Variants in SETD2 observed in about 807,000 individuals in gnomAD.
SETD2 encodes the protein histone-lysine N-methyltransferase SETD2.
Under a neutral mutation model 242.1 loss-of-function variants are expected in SETD2, and 31 were observed. That is an observed-to-expected ratio of 0.13 (90% CI 0.10 to 0.17). The LOEUF is 0.17. Among genes scored for constraint, SETD2 ranks in the 10% least tolerant of loss-of-function variants. SETD2 has a pLI of 1.00. For synonymous variants in SETD2, 1,006 were observed against 1,066.5 expected (o/e 0.94, Z 1.11); for missense variants, 2,481 against 3,046.3 (o/e 0.81, Z 4.37).
At chr3:47,147,526 C>G (rs1481523391) in intron 1 of SETD2, among the ~76,000 whole-genome samples, 1 of 151,492 alleles carries the variant, frequency 6.6e-6, no homozygotes, top group African/African-American at 2.4e-5. Flanking sequence ...TTTCACCAGG[C>G]TGGTCTGGAA....
At position 47,083,834 on chromosome 3, in the gene SETD2, A is replaced by G. The variant is rs1267301409; in HGVS notation, c.5946T>C (p.Asp1982=). ...CCACATCAGACACACCCTCCTCTTC[A>G]TCTTGGGATGGTGTTTCTTCATTAA... The part of the protein sequence containing the change: ...EPINEETPSQ[D]EEEGVSDVES... Residue 1982 remains aspartate, a synonymous_variant, in exon 12 of 21, where the codon GAT becomes GAC. Coordinates refer to ENST00000409792, the MANE Select transcript of SETD2 (RefSeq NM_014159.7). The G allele has an allele frequency of 1.2e-6, 2 of 1,613,834 alleles. No individual in the cohort carries two copies. Among genetic ancestry groups the G allele is most frequent in the Non-Finnish European group, 1.7e-6 (2 of 1,179,922 alleles).
chr3:47,095,657 G>C (rs1478983691), intron 9 of SETD2, among the ~76,000 whole-genome samples: 1 of 151,648 alleles, frequency 6.6e-6, no homozygotes, highest in African/African-American at 2.4e-5. Context: ...ATGTGCAAAA[G>C]AGACATGTGC....
intron 4 of SETD2, 71 bp from the exon 5 acceptor site, chr3:47,114,075 T>C (rs1575798591): frequency 6.7e-7 from 1 of 1,491,310 alleles, no homozygotes; most frequent in East Asian, 2.3e-5. Context: ...TGAAAAAATG[T>C]GTTAGTATAA....
chr3:47,153,145 C>A (rs1575851542), intron 1 of SETD2, among the ~76,000 whole-genome samples: 1 of 143,812 alleles, frequency 7.0e-6, no homozygotes, highest in Middle Eastern at 3.8e-3. Flanking sequence ...TGAGGTGAGA[C>A]CCAGTGAAGT....
rs758026999 is a variant in SETD2, at chr3:47,067,089, T to C, written c.6090A>G (p.Gln2030=). 12 of 1,612,022 alleles carry C rather than the reference T, an allele frequency of 7.4e-6. No homozygotes were observed. Among genetic ancestry groups the C allele is most frequent in the Non-Finnish European group, 9.3e-6 (11 of 1,178,394 alleles). ...ACCTACTTGTGTTTTCCTTTTCAGT[T>C]TGACTTTTCTTTGGAATTCGATATA... is the stretch of plus-strand genomic sequence containing the variant. The part of the protein sequence containing the change: ...KEVYRIPKKS[Q]TEKENTTTER... Residue 2030 remains glutamine, a synonymous_variant, in exon 13 of 21, where the codon CAA becomes CAG. Transcript: ENST00000409792.
At position 47,122,356 on chromosome 3, in the gene SETD2, G is replaced by A. The variant is rs2106676332; in HGVS notation, c.2280C>T (p.Leu760=). ...EPLVSPHQDK[L]MSMPVMTVDY... is the part of the protein sequence containing the mutation. ...CCACAGTCATAACTGGCATAGACAT[G>A]AGTTTATCTTGGTGTGGTGACACCA... is the stretch of plus-strand genomic sequence containing the variant. Residue 760 remains leucine (L), a synonymous_variant, in exon 3 of 21, where the codon CTC becomes CTT. Coordinates refer to ENST00000409792, the MANE Select transcript of SETD2 (RefSeq NM_014159.7). The A allele has an allele frequency of 1.2e-6, 2 of 1,614,152 alleles. No homozygotes were observed. Among genetic ancestry groups the A allele is most frequent in the Non-Finnish European group, 1.7e-6 (2 of 1,179,990 alleles).
chr3:47,028,126 G>C (rs1002250228), intron 18 of SETD2, among the ~76,000 whole-genome samples: 4 of 152,128 alleles, frequency 2.6e-5, no homozygotes, highest in Admixed American at 6.6e-5. Flanking sequence ...TGGAAAACTA[G>C]ACAAAATACA....
intron 12 of SETD2, among the ~76,000 whole-genome samples, chr3:47,082,867 G>A (rs570736152): frequency 3.3e-5 from 5 of 152,184 alleles, no homozygotes; most frequent in Non-Finnish European, 4.4e-5. Flanking sequence ...GGAGGATTCA[G>A]GTGTTCATCT....
intron 1 of SETD2, among the ~76,000 whole-genome samples, chr3:47,153,636 C>T (rs1376824860): frequency 6.6e-6 from 1 of 152,008 alleles, no homozygotes; most frequent in Non-Finnish European, 1.5e-5. Context: ...GCCTGTTGTC[C>T]CAGCTACTTG....
chr3:47,092,866 T>A (rs2041859293), intron 9 of SETD2, among the ~76,000 whole-genome samples: 1 of 152,320 alleles, frequency 6.6e-6, no homozygotes, highest in East Asian at 1.9e-4. Context: ...GTGCCCCATG[T>A]ACCTACCCCT....
chr3:47,110,396 A>T (rs982121458), intron 5 of SETD2, among the ~76,000 whole-genome samples: 1 of 152,218 alleles, frequency 6.6e-6, no homozygotes, highest in Non-Finnish European at 1.5e-5. Context: ...CTGAATTGTA[A>T]ACTTTAAAAT....
chr3:47,122,317 T>C lies in SETD2; in HGVS notation c.2319A>G (p.Thr773=), dbSNP rs773798410. Residue 773 remains threonine (T), a synonymous_variant, in exon 3 of 21, where the codon ACA becomes ACG. Coordinates refer to ENST00000409792, the MANE Select transcript of SETD2 (RefSeq NM_014159.7). ...TCGTATCAACTGGTTCTTTAACTAC[T>C]GTTTTGGAATAATCCACAGTCATAA... ...MPVMTVDYSK[T]VVKEPVDTRV... is the part of the protein sequence containing the mutation. The C allele has an allele frequency of 1.2e-5, 20 of 1,614,222 alleles. No homozygotes were observed. In the East Asian group the frequency reaches 1.6e-4, roughly 13 times the overall value.
Position 47,121,145 on chromosome 3 carries a change from TGAG to T in SETD2, c.3488_3490del (p.Pro1163del). 6.2e-7 allele frequency: 1 copy of T among 1,614,120 alleles called. No homozygotes were observed. Among genetic ancestry groups the T allele is most frequent in the East Asian group, 2.2e-5 (1 of 44,876 alleles). On this transcript the variant is annotated inframe_deletion, in exon 3 of 21. Coordinates refer to ENST00000409792, the MANE Select transcript of SETD2 (RefSeq NM_014159.7). ...ACTTGTACTATCAACCCCATCACTCTGAGGATGAGAAAGTTCAGGCAGGCGATT... is the reference window on the plus strand; with the variant it reads ...ACTTGTACTATCAACCCCATCACTCTGATGAGAAAGTTCAGGCAGGCGATT...
At chr3:47,093,559 T>C (rs60285825) in intron 9 of SETD2, among the ~76,000 whole-genome samples, 4,630 of 152,164 alleles carry the variant, frequency 0.03, 233 homozygotes, top group East Asian at 0.13. Flanking sequence ...GCTGGGATTA[T>C]AGGCATGAGC....
intron 5 of SETD2, among the ~76,000 whole-genome samples, chr3:47,113,305 A>T (rs2042729740): frequency 6.6e-6 from 1 of 152,136 alleles, no homozygotes; most frequent in African/African-American, 2.4e-5. Context: ...TTTTATGTAT[A>T]CTAATGGATT....
chr3:47,107,980 A>T (rs1291889861), intron 5 of SETD2, among the ~76,000 whole-genome samples: 1 of 152,022 alleles, frequency 6.6e-6, no homozygotes, highest in Non-Finnish European at 1.5e-5. Flanking sequence ...ACCCCATTGC[A>T]TTAAAAAAGA....
chr3:47,062,865 C>T (rs2040398611), intron 13 of SETD2, among the ~76,000 whole-genome samples: 2 of 152,026 alleles, frequency 1.3e-5, no homozygotes, highest in African/African-American at 4.8e-5. Context: ...ATTGCTTAAG[C>T]CCAGGAGTTC....
intron 9 of SETD2, among the ~76,000 whole-genome samples, chr3:47,095,162 GT>G (rs2041957427): frequency 6.6e-6 from 1 of 152,320 alleles, no homozygotes; most frequent in African/African-American, 2.4e-5. Flanking sequence ...TTTAGATGGA[GT>G]TTTGCTCTGT....
intron 1 of SETD2, among the ~76,000 whole-genome samples, chr3:47,150,877 G>C (rs549067225): frequency 1.3e-5 from 2 of 149,178 alleles, no homozygotes; most frequent in East Asian, 3.9e-4. Context: ...CCGTGATCGT[G>C]CCACTACATT....
Sources: gnomAD v4.1 joint callset for allele counts (sites outside exome capture counted in the v4.1 genomes callset) on GRCh38, gnomAD v4.1.1 for gene constraint, MANE v1.5 for transcripts, NCBI Gene and HGNC (gene_info 2026-07-23, HGNC 2026-07-21) for gene names.